Variants in UBR3 observed in about 807,000 individuals in gnomAD.
UBR3 encodes E3 ubiquitin-protein ligase UBR3.
A neutral mutation model predicts 243.2 loss-of-function variants in UBR3; 85 were observed. That is an observed-to-expected ratio of 0.35 (90% CI 0.29 to 0.42). The LOEUF (loss-of-function observed/expected upper bound fraction) is 0.42, where lower values mean the gene tolerates loss of function less well. UBR3 is among the 10% of genes least tolerant of loss of function. The probability of loss-of-function intolerance (pLI) is 1.00; values close to 1 mark genes in which losing one functional copy is unlikely to be tolerated. For missense variants in UBR3, 1,686 were observed against 2,300.8 expected, an observed-to-expected ratio of 0.73 and a Z score of 5.47; for synonymous variants, 748 against 799.8, an observed-to-expected ratio of 0.94 and a Z score of 1.09.
chr2:169,843,153 G>A (rs73022471), intron 1 of UBR3, among the ~76,000 whole-genome samples: 6,624 of 152,184 alleles, frequency 0.044, 165 homozygotes, highest in Middle Eastern at 0.068. Context: ...TTATAGCAAC[G>A]ACATCATTTC....
At chr2:170,072,371 A>G (rs2091717173) in intron 35 of UBR3, among the ~76,000 whole-genome samples, 2 of 151,238 alleles carry the variant, frequency 1.3e-5, no homozygotes, top group African/African-American at 2.4e-5. Context: ...GAATTGAACA[A>G]TGAGAACACA....
intron 5 of UBR3, among the ~76,000 whole-genome samples, chr2:169,885,038 A>T (rs1248894169): frequency 6.6e-6 from 1 of 152,150 alleles, no homozygotes; most frequent in Admixed American, 6.5e-5. Context: ...GTCATGTTGC[A>T]TTTTACTTGG....
At chr2:170,080,730 C>T (rs749031025) in intron 38 of UBR3, 46 bp downstream of exon 38, 2 of 1,578,602 alleles carry the variant, frequency 1.3e-6, no homozygotes, top group Admixed American at 3.7e-5. Flanking sequence ...GAAATTTGGT[C>T]AGTGAAAACC....
At chr2:169,931,350 TAAAAAAAAAA>T (rs66951181) in intron 18 of UBR3, among the ~76,000 whole-genome samples, 3 of 87,568 alleles carry the variant, frequency 3.4e-5, no homozygotes, top group African/African-American at 4.4e-5. Context: ...GAATCTGTCT[TAAAAAAAAAA>T]AAAAAAAAAA....
At chr2:169,904,515 A>G (rs1379704318) in intron 8 of UBR3, among the ~76,000 whole-genome samples, 1 of 151,768 alleles carries the variant, frequency 6.6e-6, no homozygotes, top group Admixed American at 6.6e-5. Context: ...ACCACCCCCA[A>G]TGATGTATTT....
At position 170,058,619 on chromosome 2, in the gene UBR3, G is replaced by A. The variant is rs1203356622; in HGVS notation, c.4786-2460G>A. Among the ~76,000 whole-genome samples the A allele has an allele frequency of 2.7e-5, 4 of 150,212 alleles. No homozygotes were observed. The East Asian group carries it at 7.8e-4, about 29-fold the overall frequency. The stretch of plus-strand genomic sequence containing the variant: ...CAACCTCAAACTCCTGGGCTCAATT[G>A]ATCCTCCCACCTCAGCCTCTGAAGT... On this transcript the variant is annotated intron_variant, in intron 33 of 38. Transcript: ENST00000272793.
intron 1 of UBR3, among the ~76,000 whole-genome samples, chr2:169,845,140 AG>A (rs2082423946): frequency 6.6e-6 from 1 of 151,994 alleles, no homozygotes; most frequent in African/African-American, 2.4e-5. Context: ...GAGTTTTTTA[AG>A]GCTGGGAGTG....
chr2:170,056,140 TGGGACTATA>T (rs1396098489), intron 33 of UBR3, among the ~76,000 whole-genome samples: 2 of 151,336 alleles, frequency 1.3e-5, no homozygotes, highest in African/African-American at 2.4e-5. Context: ...TCTGAGTAGC[TGGGACTATA>T]GGCGCCTGCC....
intron 10 of UBR3, among the ~76,000 whole-genome samples, chr2:169,906,795 T>C (rs1392490358): frequency 6.6e-6 from 1 of 152,164 alleles, no homozygotes; most frequent in Non-Finnish European, 1.5e-5. Flanking sequence ...TTGCGTGACT[T>C]GGTCAGCTCA....
chr2:169,972,416 A>T (rs1383618351), intron 24 of UBR3, among the ~76,000 whole-genome samples: 1 of 152,224 alleles, frequency 6.6e-6, no homozygotes, highest in East Asian at 1.9e-4. Context: ...TCTTTTTATG[A>T]GGCCAGCATC....
chr2:170,011,314 A>G (rs949442387), intron 29 of UBR3, among the ~76,000 whole-genome samples: 2 of 152,216 alleles, frequency 1.3e-5, no homozygotes, highest in Non-Finnish European at 2.9e-5. Context: ...TAACTTATTT[A>G]TGCATAACAT....
intron 1 of UBR3, among the ~76,000 whole-genome samples, chr2:169,849,311 A>G (rs901799191): frequency 2.0e-5 from 3 of 152,240 alleles, no homozygotes; most frequent in African/African-American, 7.2e-5. Context: ...ATAGGAATAG[A>G]TTGAAATAGA....
At chr2:169,853,799 G>GT (rs1053897890) in intron 1 of UBR3, among the ~76,000 whole-genome samples, 9 of 149,424 alleles carry the variant, frequency 6.0e-5, no homozygotes, top group African/African-American at 1.5e-4. Context: ...TTTGTTTTTT[G>GT]TTTTTTTAAA....
chr2:170,082,074 A>T lies in UBR3; in HGVS notation c.*231A>T, dbSNP rs1216359154. ...CAAGTTAAATTATTCTTTAGTGGTC[A>T]TTTTTTAAGTGCACAATTAATAAGA... On this transcript the variant is annotated 3_prime_UTR_variant, in exon 39 of 39. Coordinates refer to ENST00000272793, the MANE Select transcript of UBR3 (RefSeq NM_172070.4). The T allele has an allele frequency of 3.0e-6, 1 of 336,826 alleles. No homozygotes were observed. The highest frequency in any genetic ancestry group is 5.3e-6 in the Non-Finnish European group (1 of 187,576). The allele number at this position is 336,826 out of a possible 1,614,324, so 20.9% of individuals were successfully genotyped here. A position where few individuals can be genotyped will look rare whatever the true frequency, so the allele number is the denominator to read the frequency against.
chr2:169,900,786 T>G (rs1173402620), intron 8 of UBR3, among the ~76,000 whole-genome samples: 3 of 152,082 alleles, frequency 2.0e-5, no homozygotes, highest in African/African-American at 7.2e-5. Context: ...ACTTTTTATA[T>G]TCGTATCCTT....
At chr2:169,932,083 T>G (rs1467991001) in intron 18 of UBR3, among the ~76,000 whole-genome samples, 1 of 151,920 alleles carries the variant, frequency 6.6e-6, no homozygotes, top group African/African-American at 2.4e-5. Context: ...TTAATTTTTT[T>G]TTTTTTTTCT....
intron 17 of UBR3, among the ~76,000 whole-genome samples, chr2:169,927,788 C>T (rs1247583378): frequency 6.6e-6 from 1 of 151,946 alleles, no homozygotes; most frequent in East Asian, 1.9e-4. Flanking sequence ...GTATACCTTA[C>T]GATTATTATT....
intron 5 of UBR3, among the ~76,000 whole-genome samples, chr2:169,890,593 G>GTATATA (rs72493218): frequency 2.6e-5 from 2 of 76,160 alleles, no homozygotes; most frequent in Non-Finnish European, 5.2e-5. Flanking sequence ...ATATATATAT[G>GTATATA]TATATATATG....
At chr2:170,021,591 A>G (rs2090394162) in intron 30 of UBR3, among the ~76,000 whole-genome samples, 1 of 152,106 alleles carries the variant, frequency 6.6e-6, no homozygotes, top group Non-Finnish European at 1.5e-5. Context: ...ACTTCAACAT[A>G]TGAATTTTGG....
Sources: allele counts gnomAD v4.1 joint callset (sites outside exome capture counted in the v4.1 genomes callset), GRCh38; gene constraint gnomAD v4.1.1; transcripts MANE v1.5; gene names NCBI Gene and HGNC (gene_info 2026-07-23, HGNC 2026-07-21).